ALDH9A1: variants seen among roughly 807,000 people sequenced by gnomAD.
The protein encoded by ALDH9A1 is aldehyde dehydrogenase 9 family member A1, also known as 4-trimethylaminobutyraldehyde dehydrogenase.
ALDH9A1 carries 42 observed loss-of-function variants against 56.6 expected under a neutral mutation model. The observed-to-expected ratio is 0.74, with a 90% CI of 0.58 to 0.96. The LOEUF is 0.96. ALDH9A1 is among the 40% of genes least tolerant of loss of function. ALDH9A1 has a pLI of 0.00. For synonymous variants in ALDH9A1, 242 were observed against 236.0 expected (o/e 1.03, Z -0.23); for missense variants, 661 against 651.5 (o/e 1.01, Z -0.16).
chr1:165,668,192 A>G (rs1356885157), intron 8 of ALDH9A1, among the ~76,000 whole-genome samples: 1 of 152,172 alleles, frequency 6.6e-6, no homozygotes, highest in African/African-American at 2.4e-5. Flanking sequence ...GATGACTGAT[A>G]TGGTCTGGAT....
At chr1:165,693,703 T>A (rs1302968530) in intron 2 of ALDH9A1, among the ~76,000 whole-genome samples, 1 of 152,236 alleles carries the variant, frequency 6.6e-6, no homozygotes, top group Non-Finnish European at 1.5e-5. Flanking sequence ...GACCCAGCCA[T>A]CCCATTACTG....
chr1:165,675,511 TCAGACTGGCTAC>T (rs938437453), intron 6 of ALDH9A1, among the ~76,000 whole-genome samples: 1 of 151,962 alleles, frequency 6.6e-6, no homozygotes, highest in African/African-American at 2.4e-5. Context: ...CAGAAACAAA[TCAGACTGGCTAC>T]CCACAGGAGA....
At chr1:165,677,879 A>G (rs1463475441) in intron 6 of ALDH9A1, among the ~76,000 whole-genome samples, 2 of 134,730 alleles carry the variant, frequency 1.5e-5, no homozygotes, top group Non-Finnish European at 1.6e-5. Flanking sequence ...AAAAAAAAAA[A>G]TTAGCCAGCC....
intron 2 of ALDH9A1, among the ~76,000 whole-genome samples, chr1:165,683,466 G>A (rs974957358): frequency 6.6e-6 from 1 of 152,142 alleles, no homozygotes; most frequent in African/African-American, 2.4e-5. Context: ...AGAGGTGAGG[G>A]GTAGAGAATG....
intron 2 of ALDH9A1, among the ~76,000 whole-genome samples, chr1:165,685,215 T>C (rs148801777): frequency 6.6e-6 from 1 of 152,294 alleles, no homozygotes; most frequent in African/African-American, 2.4e-5. Context: ...TGCTTTACAA[T>C]ATGACTTGAC....
Position 165,698,483 on chromosome 1 carries a change from T to C in ALDH9A1, c.76A>G (p.Ser26Gly). Residue 26 changes from serine (S) to glycine (G), a missense_variant, in exon 1 of 11, where the codon AGC becomes GGC. Coordinates refer to ENST00000354775, the MANE Select transcript of ALDH9A1 (RefSeq NM_000696.4). ...SLRPSPVAAMSTGTFVVSQPL... is the reference protein window; with the variant it reads ...SLRPSPVAAMGTGTFVVSQPL... ...TGCGACACGACGAAGGTGCCAGTGC[T>C]CATGGCGGCGACAGGAGAGGGCCGA... The C allele has an allele frequency of 2.5e-6, 4 of 1,608,764 alleles. No individual in the cohort carries two copies. Among genetic ancestry groups the C allele is most frequent in the Non-Finnish European group, 3.4e-6 (4 of 1,177,982 alleles).
At chr1:165,691,336 T>C (rs1036186757) in intron 2 of ALDH9A1, among the ~76,000 whole-genome samples, 1 of 152,052 alleles carries the variant, frequency 6.6e-6, no homozygotes, top group Non-Finnish European at 1.5e-5. Context: ...AGGAATAGCA[T>C]CAACATCAAC....
chr1:165,692,020 C>G (rs560541690), intron 2 of ALDH9A1, among the ~76,000 whole-genome samples: 2 of 152,290 alleles, frequency 1.3e-5, no homozygotes, highest in South Asian at 2.1e-4. Context: ...TTTCAACAGC[C>G]CTTCATGCTA....
At chr1:165,663,839 G>C (rs1452672658) in intron 10 of ALDH9A1, among the ~76,000 whole-genome samples, 1 of 152,220 alleles carries the variant, frequency 6.6e-6, no homozygotes, top group Non-Finnish European at 1.5e-5. Flanking sequence ...TCTGTCTTTT[G>C]TTCCTTTCCA....
In ALDH9A1 at chr1:165,682,127, G is replaced by A. The variant is rs201328563; in HGVS notation, c.572C>T (p.Ser191Leu). Residue 191 changes from serine to leucine, a missense_variant, in exon 4 of 11, where the codon TCG becomes TTG. Ser to Leu is a moderately radical substitution (Grantham distance 145). Transcript: ENST00000354775. Reference sequence around the variant, plus strand: ...CTTACCACAGGCTAATGCTGGAGCCGACTTCCAAGAGGCAATCTGAAAGGG... The same window carrying A: ...CTTACCACAGGCTAATGCTGGAGCCAACTTCCAAGAGGCAATCTGAAAGGG... Reference protein sequence around the residue: ...NYPFQIASWKSAPALACGNAM... With the variant: ...NYPFQIASWKLAPALACGNAM... 2.3e-5 allele frequency: 37 copies of A among 1,613,956 alleles called. No individual in the cohort carries two copies. In the African/African-American group the frequency reaches 3.1e-4, roughly 13 times the overall value.
chr1:165,663,231 C>G (rs147993008), intron 10 of ALDH9A1, 87 bp from the exon 11 acceptor site: 1 of 1,084,660 alleles, frequency 9.2e-7, no homozygotes, highest in Non-Finnish European at 1.4e-6. Flanking sequence ...CACTGCTAAT[C>G]AGGGCTAGGG....
At position 165,662,837 on chromosome 1, in the gene ALDH9A1, T is replaced by C. The variant is rs975716717; in HGVS notation, c.*213A>G. ...TCACAAAAATACGCTTTGAGGAGAA[T>C]CACAGCTTTCTTGATTAGTATCTAC... On this transcript the variant is annotated 3_prime_UTR_variant, in exon 11 of 11. Coordinates refer to ENST00000354775, the MANE Select transcript of ALDH9A1 (RefSeq NM_000696.4). 2 of 545,984 alleles carry C rather than the reference T, an allele frequency of 3.7e-6. No individual in the cohort carries two copies. The highest frequency in any genetic ancestry group is 1.9e-5 in the African/African-American group (1 of 52,620). The allele number at this position is 545,984 out of a possible 1,614,324, so 33.8% of individuals were successfully genotyped here.
chr1:165,672,213 C>CT lies in ALDH9A1; in HGVS notation c.931-2764dup, dbSNP rs1649198660. 1.3e-5 allele frequency among the ~76,000 whole-genome samples: 2 copies of CT among 152,106 alleles called. 1 individual carries two copies. Among genetic ancestry groups the CT allele is most frequent in the South Asian group, 4.1e-4 (2 of 4,822 alleles). ...CACAACAGCCAAAAGTGGAAACCACCTAAGTGTTCACAAATAAAAAAATGG... is the reference window on the plus strand; with the variant it reads ...CACAACAGCCAAAAGTGGAAACCACCTTAAGTGTTCACAAATAAAAAAATGG... On this transcript the variant is annotated intron_variant, in intron 6 of 10. Coordinates refer to ENST00000354775, the MANE Select transcript of ALDH9A1 (RefSeq NM_000696.4).
intron 3 of ALDH9A1, among the ~76,000 whole-genome samples, chr1:165,682,445 T>C (rs990502100): frequency 6.6e-6 from 1 of 152,238 alleles, no homozygotes; most frequent in African/African-American, 2.4e-5. Flanking sequence ...TAGAGAACCC[T>C]GCCTATCCTT....
intron 2 of ALDH9A1, among the ~76,000 whole-genome samples, chr1:165,693,133 A>G (rs1649948691): frequency 6.6e-6 from 1 of 152,190 alleles, no homozygotes; most frequent in African/African-American, 2.4e-5. Flanking sequence ...CCTAGGCAAT[A>G]CCATTCAGGA....
intron 9 of ALDH9A1, 183 bp from the exon 10 acceptor site, chr1:165,665,313 C>A (rs1648974558): frequency 1.8e-6 from 1 of 555,408 alleles, no homozygotes; most frequent in African/African-American, 1.9e-5. Flanking sequence ...TAGTCCCATG[C>A]ACATGGTATC....
chr1:165,695,424 A>G, intron 1 of ALDH9A1, 27 bp from the exon 2 acceptor site: 1 of 1,555,690 alleles, frequency 6.4e-7, no homozygotes, highest in Non-Finnish European at 8.6e-7. Context: ...CATCAGTTTT[A>G]ACTCAAATTG....
At chr1:165,690,609 C>T (rs2101755613) in intron 2 of ALDH9A1, among the ~76,000 whole-genome samples, 1 of 152,274 alleles carries the variant, frequency 6.6e-6, no homozygotes, top group South Asian at 2.1e-4. Context: ...CTTTCCTAGC[C>T]AAGGGAAGCC....
intron 2 of ALDH9A1, among the ~76,000 whole-genome samples, chr1:165,683,898 T>C (rs930383159): frequency 7.2e-5 from 11 of 152,190 alleles, no homozygotes; most frequent in Admixed American, 5.2e-4. Context: ...ATGTAAGAAG[T>C]AGGCAGTTGC....
Sources: allele counts gnomAD v4.1 joint callset (sites outside exome capture counted in the v4.1 genomes callset), GRCh38; gene constraint gnomAD v4.1.1; transcripts MANE v1.5; gene names NCBI Gene and HGNC (gene_info 2026-07-23, HGNC 2026-07-21).